The following IKZF1 variants were observed in gnomAD, a reference collection of about 807,000 sequenced individuals.
IKZF1 encodes IKAROS family zinc finger 1.
Under a neutral mutation model 51.7 loss-of-function variants are expected in IKZF1, and 10 were observed. That is an observed-to-expected ratio of 0.19 (90% CI 0.12 to 0.33). The LOEUF is 0.33. Among genes scored for constraint, IKZF1 ranks in the 10% least tolerant of loss-of-function variants. IKZF1 has a pLI of 1.00. For synonymous variants in IKZF1, 280 were observed against 282.3 expected, an observed-to-expected ratio of 0.99 and a Z score of 0.08; for missense variants, 484 against 707.5, an observed-to-expected ratio of 0.68 and a Z score of 3.58.
At chr7:50,387,245 T>G in intron 5 of IKZF1, 100 bp from the exon 6 acceptor site, 3 of 1,412,676 alleles carry the variant, frequency 2.1e-6, no homozygotes, top group Non-Finnish European at 2.8e-6. Flanking sequence ...GGTAGAATTT[T>G]TTTTTTAACT....
rs530631744 is a variant in IKZF1 at position 50,359,349 on chromosome 7, T to C, written c.161-17184T>C. Among the ~76,000 whole-genome samples, 484 of 152,350 alleles carry C rather than the reference T, an allele frequency of 3.2e-3. 3 individuals are homozygous for C. Among genetic ancestry groups the C allele is most frequent in the African/African-American group, 0.011 (468 of 41,576 alleles). ...ACAGGTGTGCTTCTTTGTTAAGAAA[T>C]GGAGGAAACATGAATTTCATCCTGA... is the stretch of plus-strand genomic sequence containing the variant. On this transcript the variant is annotated intron_variant, in intron 3 of 7. Transcript: ENST00000331340.
chr7:50,376,929 T>A lies in IKZF1; in HGVS notation c.421+136T>A. On this transcript the variant is annotated intron_variant, in intron 4 of 7. Coordinates refer to ENST00000331340, the MANE Select transcript of IKZF1 (RefSeq NM_006060.6). The surrounding 1 kb of genome is among the most constrained non-coding windows in gnomAD (Gnocchi z 4.5). ...TAGCTCAGTTGTTGCAAGCGATTGG[T>A]TCCAAGTGGTACCGAGTCATAGAGT... The A allele has an allele frequency of 1.4e-6, 2 of 1,424,464 alleles. No individual in the cohort carries two copies. Among genetic ancestry groups the A allele is most frequent in the Non-Finnish European group, 1.9e-6 (2 of 1,071,030 alleles). The allele number at this position is 1,424,464 out of a possible 1,614,324, so 88.2% of individuals were successfully genotyped here.
intron 3 of IKZF1, among the ~76,000 whole-genome samples, chr7:50,355,876 G>A (rs140547015): frequency 0.01 from 1,524 of 152,342 alleles, 7 homozygotes; most frequent in Middle Eastern, 0.017. Context: ...AGGCCTCCCG[G>A]CTGTCCTGCC....
chr7:50,315,160 A>G (rs778088098), intron 1 of IKZF1, among the ~76,000 whole-genome samples: 13 of 152,114 alleles, frequency 8.5e-5, no homozygotes, highest in Admixed American at 1.3e-4. Flanking sequence ...AGTAAGTCCT[A>G]CTTGACACTG....
intron 3 of IKZF1, among the ~76,000 whole-genome samples, chr7:50,360,283 G>T (rs1584766508): frequency 1.3e-5 from 2 of 152,184 alleles, no homozygotes; most frequent in Admixed American, 6.5e-5. Context: ...GGGGATGAGA[G>T]GGAATGGCCG....
chr7:50,327,661 G>C lies in IKZF1; in HGVS notation c.64G>C (p.Asp22His), dbSNP rs1245618829. 4 of 1,613,098 alleles carry C rather than the reference G, an allele frequency of 2.5e-6. No homozygotes were observed. The highest frequency in any genetic ancestry group is 8.5e-7 in the Non-Finnish European group (1 of 1,179,524). Residue 22 changes from aspartate (D) to histidine (H), a missense_variant, in exon 3 of 8, where the codon GAT (aspartate) becomes CAT (histidine). By Grantham distance (81) the Asp-to-His change is moderately conservative. This residue lies in a region of IKZF1 where 118 missense variants were observed against 138.4 expected (regional missense o/e 0.85). Transcript: ENST00000331340. ...AGGGAAGGAAAGCCCCCCTGTAAGC[G>C]ATACTCCAGATGAGGGCGATGAGCC... Reference protein sequence around the residue: ...VSGKESPPVSDTPDEGDEPMP... With the variant: ...VSGKESPPVSHTPDEGDEPMP...
intron 3 of IKZF1, among the ~76,000 whole-genome samples, chr7:50,340,284 G>C (rs1742687085): frequency 6.6e-6 from 1 of 152,258 alleles, no homozygotes. Flanking sequence ...ATCTCAGAGA[G>C]ACAGGTCTAG....
At chr7:50,391,695 C>G in intron 6 of IKZF1, 34 bp from the exon 7 acceptor site, 1 of 1,611,680 alleles carries the variant, frequency 6.2e-7, no homozygotes, top group Non-Finnish European at 8.5e-7. Context: ...AAACATAAGC[C>G]TTTCTAAACT....
At chr7:50,367,786 A>G (rs756176924) in intron 3 of IKZF1, 2 of 534,004 alleles carry the variant, frequency 3.7e-6, no homozygotes, top group Non-Finnish European at 6.7e-6. Context: ...TATGGGATAT[A>G]ATGCTGTGAG....
chr7:50,325,296 A>T (rs1047173920), intron 2 of IKZF1, among the ~76,000 whole-genome samples: 1 of 129,658 alleles, frequency 7.7e-6, no homozygotes. Flanking sequence ...AAAAAAAAAA[A>T]TTCCTCTGAC....
intron 3 of IKZF1, chr7:50,367,636 A>G (rs1807341940): frequency 5.7e-6 from 1 of 174,790 alleles, no homozygotes; most frequent in Non-Finnish European, 1.2e-5. Flanking sequence ...TTTTGTGGAG[A>G]TACGTGCTGT....
intron 2 of IKZF1, among the ~76,000 whole-genome samples, chr7:50,322,995 C>T (rs762892692): frequency 7.9e-5 from 12 of 151,988 alleles, no homozygotes; most frequent in Admixed American, 6.6e-5. Flanking sequence ...TAAACATAAA[C>T]TGTATATATC....
intron 3 of IKZF1, among the ~76,000 whole-genome samples, chr7:50,343,116 TCCTC>T (rs1186777231): frequency 2.6e-4 from 39 of 148,622 alleles, no homozygotes; most frequent in African/African-American, 8.4e-4. Flanking sequence ...TTTTTTTCTT[TCCTC>T]CCTCCCTCCC....
At chr7:50,385,385 A>C (rs1287622058) in intron 5 of IKZF1, among the ~76,000 whole-genome samples, 1 of 152,180 alleles carries the variant, frequency 6.6e-6, no homozygotes, top group Non-Finnish European at 1.5e-5. Context: ...AGCTTTCTCT[A>C]GCAACTGGTG....
intron 3 of IKZF1, among the ~76,000 whole-genome samples, chr7:50,356,441 A>G (rs1803393030): frequency 6.6e-6 from 1 of 152,116 alleles, no homozygotes; most frequent in African/African-American, 2.4e-5. Flanking sequence ...TTTAGACCCA[A>G]GAAAGGCTGT....
Position 50,370,985 on chromosome 7 carries a change from G to A in IKZF1, c.161-5548G>A, listed in dbSNP as rs137929177. Among the ~76,000 whole-genome samples the A allele has an allele frequency of 1.3e-3, 199 of 152,274 alleles. 1 individual carries two copies. In the Middle Eastern group the frequency reaches 0.017, roughly 13 times the overall value. ...GATTTAGGAACTCACAGAAGGGCAC[G>A]GCCAGGCAACTCGGGCCCTGGCAAA... On this transcript the variant is annotated intron_variant, in intron 3 of 7. Coordinates refer to ENST00000331340, the MANE Select transcript of IKZF1 (RefSeq NM_006060.6).
chr7:50,399,805 C>A, intron 7 of IKZF1, 113 bp from the exon 8 acceptor site: 2 of 1,466,612 alleles, frequency 1.4e-6, no homozygotes, highest in Non-Finnish European at 1.8e-6. Flanking sequence ...CGTGCTGGGC[C>A]CCCAGGCCGT....
intron 1 of IKZF1, chr7:50,308,810 GT>G (rs1789436093): frequency 1.3e-5 from 2 of 152,338 alleles, no homozygotes; most frequent in South Asian, 4.1e-4. Flanking sequence ...AGGTGGCTGG[GT>G]CTGAGGGGAA....
chr7:50,395,376 A>C (rs571246373), intron 7 of IKZF1, among the ~76,000 whole-genome samples: 1 of 152,236 alleles, frequency 6.6e-6, no homozygotes, highest in African/African-American at 2.4e-5. Context: ...CCTCTGACAT[A>C]AAGGAATATT....
Sources: allele counts gnomAD v4.1 joint callset (sites outside exome capture counted in the v4.1 genomes callset), GRCh38; gene constraint gnomAD v4.1.1; regional missense constraint gnomAD v4.1.1; non-coding constraint Gnocchi (gnomAD v3.1); transcripts MANE v1.5; gene names NCBI Gene and HGNC (gene_info 2026-07-23, HGNC 2026-07-21).